Variants in ITPA observed in about 807,000 individuals in gnomAD.
ITPA encodes the protein inosine triphosphatase.
In ITPA, 29 loss-of-function variants were observed where a neutral mutation model predicts 29.6. The ratio of observed to expected loss-of-function variants is 0.98; its 90% CI spans 0.73 to 1.34. The LOEUF (loss-of-function observed/expected upper bound fraction) is 1.34, where lower values mean the gene tolerates loss of function less well. Among genes scored for constraint, ITPA ranks in the 40% most tolerant of loss-of-function variants. The probability of loss-of-function intolerance (pLI) is 0.00; values close to 1 mark genes in which losing one functional copy is unlikely to be tolerated. For missense variants in ITPA, 241 were observed against 251.5 expected (o/e 0.96, Z 0.28); for synonymous variants, 103 against 99.3 (o/e 1.04, Z -0.22).
downstream of ITPA, among the ~76,000 whole-genome samples, chr20:3,225,773 A>G (rs2067548071): frequency 6.6e-6 from 1 of 152,232 alleles, no homozygotes; most frequent in African/African-American, 2.4e-5. Context: ...TCATGCCTGT[A>G]ATCCCAGCAC....
intron 5 of ITPA, among the ~76,000 whole-genome samples, 170 bp from the exon 6 acceptor site, chr20:3,218,347 A>G (rs766896940): frequency 6.6e-6 from 1 of 152,258 alleles, no homozygotes; most frequent in South Asian, 2.1e-4. Flanking sequence ...AGAGACTTCC[A>G]TTTCAAGCCT....
chr20:3,221,577 GC>G (rs1168027102), intron 6 of ITPA, among the ~76,000 whole-genome samples: 3 of 41,920 alleles, frequency 7.2e-5, no homozygotes, highest in South Asian at 1.3e-3. Flanking sequence ...CCCGGGTGTG[GC>G]TGGCGAGGGC....
intron 5 of ITPA, 38 bp from the exon 6 acceptor site, chr20:3,218,479 C>A: frequency 1.4e-6 from 2 of 1,419,892 alleles, no homozygotes; most frequent in Non-Finnish European, 2.0e-6. Context: ...GGGAGTTGGC[C>A]ATTAGGGATG....
upstream of ITPA, chr20:3,204,396 G>T: frequency 4.9e-6 from 4 of 817,518 alleles, no homozygotes; most frequent in Non-Finnish European, 7.5e-6. Context: ...AGCCCCACCC[G>T]GCACACGACT....
intron 4 of ITPA, 180 bp from the exon 5 acceptor site, chr20:3,215,101 A>C: frequency 1.6e-6 from 1 of 639,854 alleles, no homozygotes; most frequent in Non-Finnish European, 2.8e-6. Flanking sequence ...TCCTGAGCTC[A>C]AGCGATCCGC....
chr20:3,223,778 G>A lies in ITPA; in HGVS notation c.*316G>A, dbSNP rs1054876985. On this transcript the variant is annotated 3_prime_UTR_variant, in exon 8 of 8. Transcript: ENST00000380113. ...GGCGTGGGGAGGAACCATGCAAATC[G>A]CCTTCCATGGTTTTTAAATGCAGTA... 4 of 433,016 alleles carry A rather than the reference G, an allele frequency of 9.2e-6. No homozygotes were observed. The highest frequency in any genetic ancestry group is 7.4e-5 in the Admixed American group (2 of 27,088). 26.8% of individuals were successfully genotyped at this position (433,016 alleles called of 1,614,324 possible).
chr20:3,218,949 G>C (rs1198462449), intron 6 of ITPA: 1 of 431,328 alleles, frequency 2.3e-6, no homozygotes, highest in South Asian at 2.2e-5. Context: ...GAAACAGTTG[G>C]CTAACAGCTC....
rs8114386 is a variant in ITPA, at chr20:3,215,269, T to G, written c.264-12T>G. On this transcript the variant is annotated splice_polypyrimidine_tract_variant and intron_variant, in intron 4 of 7. Transcript: ENST00000380113. ...GCTCCTGGTGTCTGACTGTCCTTTC[T>G]TTCTCTTGCAGAAAGTGGTTTCTGG... The G allele has an allele frequency of 2.3e-3, 3,641 of 1,613,744 alleles. 71 individuals are homozygous for G. In the African/African-American group the frequency reaches 0.043, roughly 19 times the overall value.
chr20:3,218,747 A>T, intron 6 of ITPA, 115 bp downstream of exon 6: 1 of 754,198 alleles, frequency 1.3e-6, no homozygotes, highest in South Asian at 1.5e-5. Context: ...GGGGCCAGAG[A>T]TATCTGTGCC....
At chr20:3,221,442 A>G (rs139853412) in intron 6 of ITPA, among the ~76,000 whole-genome samples, 15 of 152,336 alleles carry the variant, frequency 9.8e-5, no homozygotes, top group Middle Eastern at 3.4e-3. Flanking sequence ...AGTAGCCGGC[A>G]TCTGGCTTGT....
At chr20:3,218,693 C>T (rs1464909858) in intron 6 of ITPA, 61 bp downstream of exon 6, 27 of 1,292,220 alleles carry the variant, frequency 2.1e-5, no homozygotes, top group African/African-American at 2.9e-5. Context: ...GCGACCCGAG[C>T]CGACCGCCCC....
downstream of ITPA, among the ~76,000 whole-genome samples, chr20:3,225,359 G>A (rs1446424930): frequency 1.3e-5 from 2 of 152,170 alleles, no homozygotes; most frequent in African/African-American, 2.4e-5. Context: ...AGGACTAGAG[G>A]ACTGGGACTT....
chr20:3,215,243 T>G (rs2067266995), intron 4 of ITPA, 38 bp from the exon 5 acceptor site: 2 of 1,609,390 alleles, frequency 1.2e-6, no homozygotes, highest in East Asian at 4.5e-5. Context: ...AAGATCCAGC[T>G]GCTCCTGGTG....
intron 6 of ITPA, among the ~76,000 whole-genome samples, chr20:3,220,672 C>A (rs563598241): frequency 1.6e-4 from 24 of 151,694 alleles, no homozygotes; most frequent in Non-Finnish European, 2.6e-4. Context: ...CCTCAGCCTT[C>A]CGAGTAGCTA....
At chr20:3,224,453 T>C (rs1434907900), downstream of ITPA, among the ~76,000 whole-genome samples, 1 of 152,202 alleles carries the variant, frequency 6.6e-6, no homozygotes, top group Non-Finnish European at 1.5e-5. Context: ...CCAGGCTTGC[T>C]TCTGTGCCCA....
At chr20:3,227,270 G>A (rs1279824390), downstream of ITPA, 1 of 178,498 alleles carries the variant, frequency 5.6e-6, no homozygotes, top group Non-Finnish European at 1.2e-5. Flanking sequence ...TTTCACTGTT[G>A]GGCCAGCACC....
chr20:3,207,378 G>A (rs1321638764), upstream of ITPA, among the ~76,000 whole-genome samples: 1 of 152,142 alleles, frequency 6.6e-6, no homozygotes, highest in Non-Finnish European at 1.5e-5. Context: ...CACCTACTAT[G>A]TACCAGGAGC....
At chr20:3,214,453 A>G (rs201524500) in intron 4 of ITPA, among the ~76,000 whole-genome samples, 3 of 143,588 alleles carry the variant, frequency 2.1e-5, no homozygotes, top group Non-Finnish European at 4.5e-5. Context: ...TGCAGTCTCC[A>G]CCTGCCAGGC....
chr20:3,213,915 C>T (rs932031510), intron 3 of ITPA, 70 bp from the exon 4 acceptor site: 57 of 1,524,974 alleles, frequency 3.7e-5, no homozygotes, highest in East Asian at 2.5e-4. Flanking sequence ...CTGGGTGACG[C>T]GGGTGACCTG....
Sources: allele counts gnomAD v4.1 joint callset (sites outside exome capture counted in the v4.1 genomes callset), GRCh38; gene constraint gnomAD v4.1.1; transcripts MANE v1.5; gene names NCBI Gene and HGNC (gene_info 2026-07-23, HGNC 2026-07-21).